RALGAPA2: variants seen among roughly 807,000 people sequenced by gnomAD.
RALGAPA2 encodes the protein Ral GTPase activating protein catalytic subunit alpha 2.
Under a neutral mutation model 230.4 loss-of-function variants are expected in RALGAPA2, and 139 were observed. The ratio of observed to expected loss-of-function variants is 0.60; its 90% CI spans 0.53 to 0.69. The LOEUF (loss-of-function observed/expected upper bound fraction) is 0.69. Ranked by LOEUF, RALGAPA2 falls within the 30% of genes least tolerant of loss-of-function variation. The pLI, the probability that RALGAPA2 is intolerant of heterozygous loss-of-function variation, is 0.00. For missense variants in RALGAPA2, 2,163 were observed against 2,276.0 expected, an observed-to-expected ratio of 0.95 and a Z score of 1.01; for synonymous variants, 847 against 837.8, an observed-to-expected ratio of 1.01 and a Z score of -0.19.
intron 37 of RALGAPA2, among the ~76,000 whole-genome samples, chr20:20,451,685 A>C (rs1217799131): frequency 6.6e-6 from 1 of 152,230 alleles, no homozygotes; most frequent in East Asian, 1.9e-4. Context: ...TTTAGTACTT[A>C]AGGTCTCAGA....
intron 31 of RALGAPA2, among the ~76,000 whole-genome samples, chr20:20,519,644 T>G (rs2062977876): frequency 6.6e-6 from 1 of 152,252 alleles, no homozygotes; most frequent in African/African-American, 2.4e-5. Flanking sequence ...CAACTAGCAC[T>G]GCTGACCTTT....
At chr20:20,629,821 A>T (rs1055884176) in intron 9 of RALGAPA2, among the ~76,000 whole-genome samples, 3 of 152,240 alleles carry the variant, frequency 2.0e-5, no homozygotes, top group African/African-American at 7.2e-5. Flanking sequence ...AAAACTACTA[A>T]GCTATTTCAG....
At chr20:20,564,349 C>T (rs2064348677) in intron 23 of RALGAPA2, among the ~76,000 whole-genome samples, 1 of 152,230 alleles carries the variant, frequency 6.6e-6, no homozygotes, top group Admixed American at 6.5e-5. Flanking sequence ...GCTAAATCCC[C>T]TCTCCTTTGT....
At chr20:20,682,639 T>C (rs533365015) in intron 1 of RALGAPA2, among the ~76,000 whole-genome samples, 1 of 152,348 alleles carries the variant, frequency 6.6e-6, no homozygotes, top group African/African-American at 2.4e-5. Flanking sequence ...GACTTAATTC[T>C]GATGGAATAA....
chr20:20,403,968 C>T (rs1041952977), intron 38 of RALGAPA2, among the ~76,000 whole-genome samples: 1 of 152,178 alleles, frequency 6.6e-6, no homozygotes, highest in African/African-American at 2.4e-5. Context: ...ATGGTGGAGG[C>T]CACTGGTTCC....
intron 23 of RALGAPA2, among the ~76,000 whole-genome samples, 164 bp downstream of exon 23, chr20:20,571,294 T>A (rs985187648): frequency 2.0e-5 from 3 of 152,208 alleles, no homozygotes; most frequent in African/African-American, 7.2e-5. Flanking sequence ...TGAAACCTGA[T>A]TTACATTTTT....
chr20:20,547,051 T>C (rs1027350015), intron 23 of RALGAPA2, among the ~76,000 whole-genome samples: 19 of 152,176 alleles, frequency 1.2e-4, no homozygotes, highest in Admixed American at 3.3e-4. Context: ...AGATGAATTA[T>C]CCAAAATCTA....
In RALGAPA2 at chr20:20,605,214, TA is replaced by T; in HGVS notation, c.1998del (p.Asp666GlufsTer3). 1 of 1,613,560 alleles carries T rather than the reference TA, an allele frequency of 6.2e-7. No individual in the cohort carries two copies. The highest frequency in any genetic ancestry group is 8.5e-7 in the Non-Finnish European group (1 of 1,179,604). On this transcript the variant is annotated frameshift_variant, in exon 15 of 40. Transcript: ENST00000202677. LOFTEE classifies it high-confidence loss of function. ...TTCTTTTCCTTTTGTTCACTTAATT[TA>T]TCCAGAGGTAGGTTTGTCATCTCAA... Reference protein sequence around the residue: ...YGVEMTNLPLDKLSEQKEKKQ... With the variant: ...YGVEMTNLPLXKLSEQKEKKQ...
intron 16 of RALGAPA2, chr20:20,598,750 G>A (rs1456212671): frequency 1.5e-5 from 7 of 456,156 alleles, no homozygotes; most frequent in South Asian, 4.7e-5. Context: ...AAGGAGGAGC[G>A]GGACGCTTTT....
rs918398462 is a variant in RALGAPA2, at chr20:20,398,608, C to T, written c.5618-1874G>A. The stretch of plus-strand genomic sequence containing the variant: ...AGCTTCCTGATACATCTCTGGGGTA[C>T]GCACAGGGCACTGACCAACCTGGGC... On this transcript the variant is annotated intron_variant, in intron 38 of 39. Coordinates refer to ENST00000202677, the MANE Select transcript of RALGAPA2 (RefSeq NM_020343.4). The surrounding 1 kb of genome is among the most constrained non-coding windows in gnomAD (Gnocchi z 4.5). 4.6e-5 allele frequency among the ~76,000 whole-genome samples: 7 copies of T among 151,956 alleles called. No homozygotes were observed. The highest frequency in any genetic ancestry group is 1.2e-4 in the African/African-American group (5 of 41,336).
In RALGAPA2 at chr20:20,512,745, G is replaced by C; in HGVS notation, c.4624C>G (p.Leu1542Val). Residue 1542 changes from leucine to valine, a missense_variant, in exon 32 of 40, where the codon CTA becomes GTA. Transcript: ENST00000202677. ...CATGGGGTTAGGGAAGGTTCATTTA[G>C]ATTTAGCTGTGACGGTAAAAGGCAT... ...PECLLPSQLN[L>V]NEPSLTPCGM... 6.2e-7 allele frequency: 1 copy of C among 1,613,890 alleles called. No homozygotes were observed.
chr20:20,533,025 A>G (rs2063406450), intron 26 of RALGAPA2, among the ~76,000 whole-genome samples: 1 of 151,734 alleles, frequency 6.6e-6, no homozygotes, highest in Admixed American at 6.6e-5. Context: ...AATAGAATGG[A>G]AAAAAAATCC....
At chr20:20,513,869 G>A (rs2062793538) in intron 31 of RALGAPA2, among the ~76,000 whole-genome samples, 1 of 152,228 alleles carries the variant, frequency 6.6e-6, no homozygotes, top group Non-Finnish European at 1.5e-5. Context: ...CTTCTCAACT[G>A]CAGGCTTGGG....
At chr20:20,661,322 C>A (rs2067769015) in intron 3 of RALGAPA2, among the ~76,000 whole-genome samples, 1 of 152,080 alleles carries the variant, frequency 6.6e-6, no homozygotes, top group African/African-American at 2.4e-5. Context: ...CCACATCCAG[C>A]TAATTTTTGT....
chr20:20,421,315 G>A (rs2060271469), intron 37 of RALGAPA2, among the ~76,000 whole-genome samples: 1 of 152,226 alleles, frequency 6.6e-6, no homozygotes, highest in Admixed American at 6.5e-5. Context: ...GTAATAACCA[G>A]TGAGGACGAT....
chr20:20,396,975 C>CGCATGCAGACCTTGTCAGGATCTAT (rs1401792792), intron 38 of RALGAPA2, among the ~76,000 whole-genome samples: 5 of 152,176 alleles, frequency 3.3e-5, no homozygotes, highest in African/African-American at 1.2e-4. Flanking sequence ...CCAGGATCTA[C>CGCATGCAGACCTTGTCAGGATCTAT]GCATGCAGAC....
intron 1 of RALGAPA2, among the ~76,000 whole-genome samples, chr20:20,691,364 C>T (rs763878574): frequency 2.0e-5 from 3 of 152,158 alleles, no homozygotes; most frequent in Admixed American, 2.0e-4. Context: ...CTCCCTCTAA[C>T]GTATTCACAC....
intron 38 of RALGAPA2, among the ~76,000 whole-genome samples, chr20:20,403,120 C>A (rs2059882417): frequency 6.6e-6 from 1 of 152,096 alleles, no homozygotes; most frequent in Admixed American, 6.6e-5. Context: ...TTCTCAGTGG[C>A]ACTCCCAAGG....
intron 27 of RALGAPA2, among the ~76,000 whole-genome samples, chr20:20,527,332 C>T (rs2063235398): frequency 6.6e-6 from 1 of 152,144 alleles, no homozygotes; most frequent in African/African-American, 2.4e-5. Context: ...ACTAGCTAAA[C>T]CCAGGGTTGT....
Sources: allele counts gnomAD v4.1 joint callset (sites outside exome capture counted in the v4.1 genomes callset), GRCh38; gene constraint gnomAD v4.1.1; non-coding constraint Gnocchi (gnomAD v3.1); transcripts MANE v1.5; gene names NCBI Gene and HGNC (gene_info 2026-07-23, HGNC 2026-07-21).